The following DNAJC8 variants were observed in gnomAD, a reference collection of about 807,000 sequenced individuals.
The protein encoded by DNAJC8 is DnaJ heat shock protein family (Hsp40) member C8, also known as dnaJ homolog subfamily C member 8.
A neutral mutation model predicts 43.2 loss-of-function variants in DNAJC8; 24 were observed. That is an observed-to-expected ratio of 0.56 (90% CI 0.40 to 0.78). The LOEUF (loss-of-function observed/expected upper bound fraction) is 0.78, where lower values mean the gene tolerates loss of function less well. Ranked by LOEUF, DNAJC8 falls within the 30% of genes least tolerant of loss-of-function variation. The probability of loss-of-function intolerance (pLI) is 0.00; values close to 1 mark genes in which losing one functional copy is unlikely to be tolerated. For synonymous variants in DNAJC8, 83 were observed against 98.0 expected (o/e 0.85, Z 0.90); for missense variants, 207 against 299.4 (o/e 0.69, Z 2.28).
rs139711242 is a variant in DNAJC8, at chr1:28,228,241, C to T, written c.180+681G>A. 1.6e-3 allele frequency among the ~76,000 whole-genome samples: 227 copies of T among 146,282 alleles called. 1 individual carries two copies. The highest frequency in any genetic ancestry group is 5.3e-3 in the African/African-American group (207 of 39,276). On this transcript the variant is annotated intron_variant, in intron 2 of 8. Transcript: ENST00000263697. ...GTGGGCACCTGTAATCCCACCTACT[C>T]GGGAGGCTGAGGCAGGAGAATTGCT...
At chr1:28,228,188 A>AGT (rs1646950367) in intron 2 of DNAJC8, among the ~76,000 whole-genome samples, 4 of 152,050 alleles carry the variant, frequency 2.6e-5, no homozygotes, top group Non-Finnish European at 5.9e-5. Context: ...ATCTCTACTA[A>AGT]GAATACAAAT....
At chr1:28,207,429 TG>T (rs1181177814) in intron 6 of DNAJC8, among the ~76,000 whole-genome samples, 1 of 142,990 alleles carries the variant, frequency 7.0e-6, no homozygotes, top group Non-Finnish European at 1.6e-5. Flanking sequence ...TCAAATAAAA[TG>T]TTTGTTGTTG....
chr1:28,210,566 A>C lies in DNAJC8; in HGVS notation c.304+5T>G, dbSNP rs1646803848. Reference sequence around the variant, plus strand: ...ATACTCAGAAGCAGGTAAATTTACAAATACCTTCAAAAGCCTTTTGTGCTC... The same window carrying C: ...ATACTCAGAAGCAGGTAAATTTACACATACCTTCAAAAGCCTTTTGTGCTC... On this transcript the variant is annotated splice_donor_5th_base_variant and intron_variant, in intron 4 of 8. Coordinates refer to ENST00000263697, the MANE Select transcript of DNAJC8 (RefSeq NM_014280.3). 1 of 1,613,312 alleles carries C rather than the reference A, an allele frequency of 6.2e-7. No homozygotes were observed. Among genetic ancestry groups the C allele is most frequent in the East Asian group, 2.2e-5 (1 of 44,856 alleles).
intron 8 of DNAJC8, 30 bp from the exon 9 acceptor site, chr1:28,201,400 G>GA: frequency 6.2e-7 from 1 of 1,613,156 alleles, no homozygotes; most frequent in South Asian, 1.1e-5. Flanking sequence ...GAGGTGAGGA[G>GA]ACCAGTCAAT....
At chr1:28,205,664 G>A (rs977388425) in intron 6 of DNAJC8, among the ~76,000 whole-genome samples, 1 of 152,236 alleles carries the variant, frequency 6.6e-6, no homozygotes, top group African/African-American at 2.4e-5. Flanking sequence ...AAGGTGGGCA[G>A]ATCACCTGAG....
rs1326036965 is a variant in DNAJC8 at position 28,203,970 on chromosome 1, G to T, written c.564-148C>A. On this transcript the variant is annotated intron_variant, in intron 7 of 8. Transcript: ENST00000263697. ...GATGGCTGTCTGGAAAGGGCTCATA[G>T]CATTTTCATGAATGTCTCATTCTAA... is the stretch of plus-strand genomic sequence containing the variant. 7 of 742,126 alleles carry T rather than the reference G, an allele frequency of 9.4e-6. No homozygotes were observed. The East Asian group carries it at 1.9e-4, about 20-fold the overall frequency. The allele number at this position is 742,126 out of a possible 1,614,324, so 46.0% of individuals were successfully genotyped here.
In DNAJC8 at chr1:28,214,971, G is replaced by A; in HGVS notation, c.206C>T (p.Thr69Ile). The A allele has an allele frequency of 6.2e-7, 1 of 1,608,576 alleles. No homozygotes were observed. The change falls in exon 3 of 9, where the codon ACA (threonine) becomes ATA (isoleucine). Residue 69 changes from threonine to isoleucine, a missense_variant. Coordinates refer to ENST00000263697, the MANE Select transcript of DNAJC8 (RefSeq NM_014280.3). ...AAACCTCTTTTTTATTTCTTCATCT[G>A]TAACTTCAGGATCTATCTGAAGAAC... Reference protein sequence around the residue: ...FEVLQIDPEVTDEEIKKRFRQ... With the variant: ...FEVLQIDPEVIDEEIKKRFRQ...
At chr1:28,219,067 C>T (rs1473973908) in intron 2 of DNAJC8, among the ~76,000 whole-genome samples, 5 of 152,158 alleles carry the variant, frequency 3.3e-5, no homozygotes, top group Non-Finnish European at 7.4e-5. Flanking sequence ...TAGCTTACAA[C>T]TAATCATGCC....
At chr1:28,208,489 A>G in intron 5 of DNAJC8, 76 bp from the exon 6 acceptor site, 1 of 990,020 alleles carries the variant, frequency 1.0e-6, no homozygotes, top group East Asian at 2.9e-5. Context: ...CACATACAAT[A>G]TATTTAACTT....
At chr1:28,212,168 A>AATAAATAAATATATATATAT (rs35950985) in intron 3 of DNAJC8, among the ~76,000 whole-genome samples, 2 of 31,024 alleles carry the variant, frequency 6.4e-5, no homozygotes, top group Admixed American at 4.9e-4. Context: ...TAAATAAATA[A>AATAAATAAATATATATATAT]ATATATATAT....
chr1:28,230,102 GA>G (rs1646963873), intron 1 of DNAJC8: 1 of 151,922 alleles, frequency 6.6e-6, no homozygotes, highest in Non-Finnish European at 1.5e-5. Flanking sequence ...TTAAAAAAAA[GA>G]AAGAAAGAAA....
At chr1:28,231,670 G>A (rs550375148) in intron 1 of DNAJC8, among the ~76,000 whole-genome samples, 52 of 151,906 alleles carry the variant, frequency 3.4e-4, no homozygotes, top group Non-Finnish European at 5.6e-4. Context: ...GGCCAAGATC[G>A]TGCCACTGCA....
At chr1:28,221,369 A>C (rs2149021830) in intron 2 of DNAJC8, among the ~76,000 whole-genome samples, 1 of 152,056 alleles carries the variant, frequency 6.6e-6, no homozygotes, top group Admixed American at 6.5e-5. Flanking sequence ...GAAACAAAGA[A>C]AGAAAGAACA....
At chr1:28,206,559 G>A (rs1452776661) in intron 6 of DNAJC8, among the ~76,000 whole-genome samples, 1 of 152,144 alleles carries the variant, frequency 6.6e-6, no homozygotes, top group East Asian at 1.9e-4. Flanking sequence ...AAAAAAATAA[G>A]TGAACGTAAG....
chr1:28,218,198 C>A (rs1157657127), intron 2 of DNAJC8, among the ~76,000 whole-genome samples: 1 of 149,788 alleles, frequency 6.7e-6, no homozygotes, highest in African/African-American at 2.5e-5. Context: ...GGGATTCAAG[C>A]GATTCTCCTG....
chr1:28,201,824 G>A (rs1313783494), intron 8 of DNAJC8, among the ~76,000 whole-genome samples: 2 of 149,732 alleles, frequency 1.3e-5, no homozygotes, highest in Non-Finnish European at 3.0e-5. Context: ...AAAGAAAAAA[G>A]AGTAGAATAG....
At chr1:28,214,071 T>A (rs1427624283) in intron 3 of DNAJC8, among the ~76,000 whole-genome samples, 3 of 152,064 alleles carry the variant, frequency 2.0e-5, no homozygotes, top group Admixed American at 2.0e-4. Flanking sequence ...TACTCAGCTG[T>A]CAAAACTGGA....
At position 28,232,853 on chromosome 1, in the gene DNAJC8, T is replaced by C. The variant is rs1298234799; in HGVS notation, c.78+68A>G. 9.0e-6 allele frequency: 14 copies of C among 1,562,400 alleles called. No homozygotes were observed. In the East Asian group the frequency reaches 3.1e-4, roughly 35 times the overall value. ...CGGTCCAGGCCAGGCGGCCACTGCCTTTGTCCACTGGGAAAGCAGATCCGG... is the reference window on the plus strand; with the variant it reads ...CGGTCCAGGCCAGGCGGCCACTGCCCTTGTCCACTGGGAAAGCAGATCCGG... On this transcript the variant is annotated intron_variant, in intron 1 of 8. Transcript: ENST00000263697.
chr1:28,207,198 T>G (rs1479577293), intron 6 of DNAJC8, among the ~76,000 whole-genome samples: 1 of 151,760 alleles, frequency 6.6e-6, no homozygotes, highest in African/African-American at 2.4e-5. Flanking sequence ...ACCAACATGA[T>G]GACATCCCGT....
Sources: gnomAD v4.1 joint callset for allele counts (sites outside exome capture counted in the v4.1 genomes callset) on GRCh38, gnomAD v4.1.1 for gene constraint, MANE v1.5 for transcripts, NCBI Gene and HGNC (gene_info 2026-07-23, HGNC 2026-07-21) for gene names.